THADA: variants seen among roughly 807,000 people sequenced by gnomAD.
THADA encodes tRNA (32-2'-O)-methyltransferase regulator THADA.
THADA carries 213 observed loss-of-function variants against 219.8 expected under a neutral mutation model. The observed-to-expected ratio is 0.97, with a 90% CI of 0.87 to 1.09. The LOEUF (loss-of-function observed/expected upper bound fraction) is 1.09. Among genes scored for constraint, THADA ranks in the 50% least tolerant of loss-of-function variants. The pLI is 0.00. For missense variants in THADA, 2,956 were observed against 2,311.3 expected (o/e 1.28, Z -5.72); for synonymous variants, 1,018 against 828.9 (o/e 1.23, Z -3.92).
chr2:43,233,901 G>T (rs557767991), intron 36 of THADA, among the ~76,000 whole-genome samples: 2 of 152,054 alleles, frequency 1.3e-5, no homozygotes, highest in Non-Finnish European at 2.9e-5. Context: ...GTCTTTCAAT[G>T]ATGCATTTCT....
chr2:43,318,659 C>T (rs2104457270), intron 31 of THADA, among the ~76,000 whole-genome samples: 1 of 152,276 alleles, frequency 6.6e-6, no homozygotes, highest in South Asian at 2.1e-4. Flanking sequence ...ATCCTGTCCT[C>T]ACATCTTACT....
chr2:43,461,285 C>A (rs1683614218), intron 26 of THADA, among the ~76,000 whole-genome samples: 1 of 152,150 alleles, frequency 6.6e-6, no homozygotes, highest in African/African-American at 2.4e-5. Flanking sequence ...AGTTTAAAAA[C>A]CAACACATTT....
At chr2:43,586,201 G>A (rs998221588) in intron 7 of THADA, among the ~76,000 whole-genome samples, 200 bp downstream of exon 7, 4 of 152,098 alleles carry the variant, frequency 2.6e-5, no homozygotes, top group Non-Finnish European at 4.4e-5. Flanking sequence ...GGAGGTTGAG[G>A]CTGCAGCGAG....
At chr2:43,285,405 T>C (rs1220785646) in intron 35 of THADA, among the ~76,000 whole-genome samples, 1 of 152,140 alleles carries the variant, frequency 6.6e-6, no homozygotes. Context: ...CTTCCTGCTC[T>C]CTCTCTCTCC....
intron 26 of THADA, among the ~76,000 whole-genome samples, chr2:43,481,408 G>A (rs967451933): frequency 6.6e-6 from 1 of 152,108 alleles, no homozygotes; most frequent in African/African-American, 2.4e-5. Context: ...TAATAAGACA[G>A]AATAGAGATT....
Position 43,240,725 on chromosome 2 carries a change from G to A in THADA, c.5297-7843C>T, listed in dbSNP as rs548891073. Among the ~76,000 whole-genome samples the A allele has an allele frequency of 1.4e-4, 21 of 152,332 alleles. No individual in the cohort carries two copies. The South Asian group carries it at 1.4e-3, about 11-fold the overall frequency. On this transcript the variant is annotated intron_variant, in intron 36 of 37. Coordinates refer to ENST00000405975, the MANE Select transcript of THADA (RefSeq NM_022065.5). ...ACAAATGGCCCAGAGGAAGGTCAGT[G>A]TCCTAAGGAATGGAAGGGGATCATC...
chr2:43,501,614 G>C (rs377614102), intron 24 of THADA, among the ~76,000 whole-genome samples: 1 of 152,098 alleles, frequency 6.6e-6, no homozygotes, highest in Non-Finnish European at 1.5e-5. Flanking sequence ...CACCTTGCCA[G>C]ATATTCTAAC....
rs139544201 is a variant in THADA, at chr2:43,337,694, TACAC to T, written c.4343+6424_4343+6427del. ...AATAACCCACAATCACACACACTCA[TACAC>T]ACACACACACACACACACACACCAC... On this transcript the variant is annotated intron_variant, in intron 30 of 37. Coordinates refer to ENST00000405975, the MANE Select transcript of THADA (RefSeq NM_022065.5). 1.4e-3 allele frequency among the ~76,000 whole-genome samples: 211 copies of T among 146,338 alleles called. 1 individual carries two copies. The highest frequency in any genetic ancestry group is 5.8e-3 in the South Asian group (27 of 4,636).
At chr2:43,536,104 T>C (rs1694564682) in intron 21 of THADA, among the ~76,000 whole-genome samples, 1 of 152,172 alleles carries the variant, frequency 6.6e-6, no homozygotes, top group Non-Finnish European at 1.5e-5. Flanking sequence ...GCCCAGCCTA[T>C]TCATTTTGAG....
At chr2:43,569,120 C>A (rs530098555) in intron 14 of THADA, among the ~76,000 whole-genome samples, 1 of 152,072 alleles carries the variant, frequency 6.6e-6, no homozygotes, top group African/African-American at 2.4e-5. Flanking sequence ...CACAGGTGCA[C>A]ACCACCACGC....
In THADA at chr2:43,352,388, T is replaced by G. The variant is rs184737329; in HGVS notation, c.4228-8151A>C. On this transcript the variant is annotated intron_variant, in intron 29 of 37. Coordinates refer to ENST00000405975, the MANE Select transcript of THADA (RefSeq NM_022065.5). Reference sequence around the variant, plus strand: ...GCCTGGCCAACATGGCGAAACCCCATCTCTACTAAAAATACAAAAATTAGC... The same window carrying G: ...GCCTGGCCAACATGGCGAAACCCCAGCTCTACTAAAAATACAAAAATTAGC... Among the ~76,000 whole-genome samples, 466 of 152,108 alleles carry G rather than the reference T, an allele frequency of 3.1e-3. 1 individual carries two copies. Among genetic ancestry groups the G allele is most frequent in the Non-Finnish European group, 5.4e-3 (366 of 67,990 alleles).
At chr2:43,519,510 A>T (rs1247708084) in intron 22 of THADA, among the ~76,000 whole-genome samples, 1 of 152,230 alleles carries the variant, frequency 6.6e-6, no homozygotes, top group East Asian at 1.9e-4. Context: ...GAATGTCCCC[A>T]AAACTCCTCA....
chr2:43,325,791 A>T (rs190757585), intron 30 of THADA, among the ~76,000 whole-genome samples: 56 of 152,330 alleles, frequency 3.7e-4, no homozygotes, highest in African/African-American at 1.3e-3. Context: ...GCTAAGAATA[A>T]TTTTTAATAA....
intron 36 of THADA, among the ~76,000 whole-genome samples, chr2:43,265,575 G>T (rs957728948): frequency 6.6e-5 from 10 of 152,120 alleles, no homozygotes; most frequent in Admixed American, 6.5e-4. Context: ...TATTTATGAA[G>T]AAGGTTCCCA....
At chr2:43,326,115 C>T (rs1461319687) in intron 30 of THADA, among the ~76,000 whole-genome samples, 2 of 144,772 alleles carry the variant, frequency 1.4e-5, no homozygotes, top group Non-Finnish European at 3.0e-5. Flanking sequence ...TACACACAAA[C>T]ATATGCATTA....
At chr2:43,585,936 T>C (rs1378576227) in intron 7 of THADA, among the ~76,000 whole-genome samples, 1 of 151,962 alleles carries the variant, frequency 6.6e-6, no homozygotes, top group Non-Finnish European at 1.5e-5. Context: ...ATATCAAACC[T>C]CTAAAAAAAA....
chr2:43,272,616 T>A (rs1672257774), intron 36 of THADA, among the ~76,000 whole-genome samples: 2 of 148,940 alleles, frequency 1.3e-5, no homozygotes, highest in South Asian at 4.3e-4. Flanking sequence ...AGAGTTTTGG[T>A]TTTGTGCTTT....
chr2:43,267,852 G>C (rs1420643282), intron 36 of THADA, among the ~76,000 whole-genome samples: 2 of 152,208 alleles, frequency 1.3e-5, no homozygotes, highest in African/African-American at 2.4e-5. Context: ...TTCTCTTACA[G>C]ATGCCAAATC....
At chr2:43,548,237 G>A (rs556280775) in intron 20 of THADA, among the ~76,000 whole-genome samples, 3 of 152,316 alleles carry the variant, frequency 2.0e-5, no homozygotes, top group South Asian at 4.1e-4. Context: ...TTTTGTCTCA[G>A]AGGGGTACCC....
Sources: allele counts gnomAD v4.1 joint callset (sites outside exome capture counted in the v4.1 genomes callset), GRCh38; gene constraint gnomAD v4.1.1; transcripts MANE v1.5; gene names NCBI Gene and HGNC (gene_info 2026-07-23, HGNC 2026-07-21).